DOCK1: variants seen among roughly 807,000 people sequenced by gnomAD.
The protein encoded by DOCK1 is dedicator of cytokinesis protein 1.
DOCK1 carries 138 observed loss-of-function variants against 262.7 expected under a neutral mutation model. The ratio of observed to expected loss-of-function variants is 0.53; its 90% confidence interval spans 0.46 to 0.61. DOCK1 has a LOEUF of 0.61. Ranked by LOEUF, DOCK1 falls within the 20% of genes least tolerant of loss-of-function variation. The probability of loss-of-function intolerance (pLI) is 0.00; values close to 1 mark genes in which losing one functional copy is unlikely to be tolerated. For synonymous variants in DOCK1, 866 were observed against 867.4 expected, an observed-to-expected ratio of 1.00 and a Z score of 0.03; for missense variants, 1,908 against 2,370.7, an observed-to-expected ratio of 0.80 and a Z score of 4.05.
chr10:127,368,109 T>C (rs1416525553), intron 33 of DOCK1, among the ~76,000 whole-genome samples: 2 of 152,188 alleles, frequency 1.3e-5, no homozygotes, highest in African/African-American at 2.4e-5. Flanking sequence ...TGCCAGAACA[T>C]GGCCCTTCAC....
rs1345905278 is a variant in DOCK1, at chr10:127,153,793, G to A, written c.2847+26029G>A. ...GGCCCCAGATCGTTCTTGCATTTGT[G>A]GGTAAACATCATTTGTCACTCATAA... On this transcript the variant is annotated intron_variant, in intron 27 of 51. Transcript: ENST00000623213. The A allele has an allele frequency of 8.3e-6, 11 of 1,323,584 alleles. No individual in the cohort carries two copies. The Admixed American group carries it at 1.5e-4, about 18-fold the overall frequency. 82.0% of individuals were successfully genotyped at this position (1,323,584 alleles called of 1,614,324 possible). A position where few individuals can be genotyped will look rare whatever the true frequency, so the allele number is the denominator to read the frequency against.
At chr10:127,448,597 C>T (rs2134851547) in intron 51 of DOCK1, among the ~76,000 whole-genome samples, 1 of 152,298 alleles carries the variant, frequency 6.6e-6, no homozygotes, top group East Asian at 1.9e-4. Flanking sequence ...CTCAGGCCTC[C>T]CCAGGCCATG....
At chr10:127,038,641 C>T (rs2135592210) in intron 19 of DOCK1, among the ~76,000 whole-genome samples, 1 of 152,260 alleles carries the variant, frequency 6.6e-6, no homozygotes, top group South Asian at 2.1e-4. Flanking sequence ...CGTCTTCTTC[C>T]CACGGGACGC....
At position 127,223,266 on chromosome 10, in the gene DOCK1, A is replaced by C. The variant is rs560790336; in HGVS notation, c.2848-24742A>C. On this transcript the variant is annotated intron_variant, in intron 27 of 51. Coordinates refer to ENST00000623213, the MANE Select transcript of DOCK1 (RefSeq NM_001290223.2). ...AAGAAAGTAGCTTAGAAATGTATACAAAAGCAAATCAACTCAAAGTGTGTG... is the reference window on the plus strand; with the variant it reads ...AAGAAAGTAGCTTAGAAATGTATACCAAAGCAAATCAACTCAAAGTGTGTG... 9.2e-5 allele frequency among the ~76,000 whole-genome samples: 14 copies of C among 152,356 alleles called. No individual in the cohort carries two copies. In the South Asian group the frequency reaches 2.9e-3, roughly 32 times the overall value.
At chr10:127,083,167 A>G (rs1362309781) in intron 23 of DOCK1, among the ~76,000 whole-genome samples, 1 of 152,224 alleles carries the variant, frequency 6.6e-6, no homozygotes, top group African/African-American at 2.4e-5. Context: ...TAGCAGGGCA[A>G]TGCTCTTGGC....
chr10:127,273,966 T>G (rs2135209870), intron 29 of DOCK1, among the ~76,000 whole-genome samples: 1 of 152,316 alleles, frequency 6.6e-6, no homozygotes, highest in South Asian at 2.1e-4. Context: ...ATGTATTTAT[T>G]TATGATATTC....
rs71032531 is a variant in DOCK1, at chr10:126,925,724, C to CTGTGTGTG, written c.46+20200_46+20207dup. On this transcript the variant is annotated intron_variant, in intron 1 of 51. Coordinates refer to ENST00000623213, the MANE Select transcript of DOCK1 (RefSeq NM_001290223.2). ...AACACATACACACACATTGCAGAGTCTGTGTGTGTGTGTGTGTGTGTGTGT... is the reference window on the plus strand; with the variant it reads ...AACACATACACACACATTGCAGAGTCTGTGTGTGTGTGTGTGTGTGTGTGTGTGTGTGT... 3.0e-3 allele frequency among the ~76,000 whole-genome samples: 424 copies of CTGTGTGTG among 141,300 alleles called. 2 individuals are homozygous for CTGTGTGTG. The highest frequency in any genetic ancestry group is 3.5e-3 in the Non-Finnish European group (225 of 64,658). The allele number at this position is 141,300 out of a possible 152,430, so 92.7% of individuals were successfully genotyped here. A position where few individuals can be genotyped will look rare whatever the true frequency, so the allele number is the denominator to read the frequency against.
chr10:126,929,377 T>C (rs1206730205), intron 1 of DOCK1, among the ~76,000 whole-genome samples: 1 of 152,166 alleles, frequency 6.6e-6, no homozygotes, highest in Non-Finnish European at 1.5e-5. Context: ...TTATCATTTA[T>C]TGGACTTTGC....
At chr10:127,257,071 G>T (rs1261316431) in intron 28 of DOCK1, among the ~76,000 whole-genome samples, 1 of 152,112 alleles carries the variant, frequency 6.6e-6, no homozygotes, top group East Asian at 1.9e-4. Flanking sequence ...TAACCTTTGG[G>T]GATTTACTCT....
intron 19 of DOCK1, among the ~76,000 whole-genome samples, chr10:127,039,598 T>C (rs997358961): frequency 1.1e-4 from 16 of 152,292 alleles, no homozygotes; most frequent in African/African-American, 3.8e-4. Context: ...TTGTGCTTTT[T>C]CTCTGCTGGC....
intron 23 of DOCK1, among the ~76,000 whole-genome samples, chr10:127,091,216 C>T (rs893200491): frequency 2.6e-5 from 4 of 152,124 alleles, no homozygotes; most frequent in Admixed American, 6.5e-5. Flanking sequence ...ATCTCCTGAC[C>T]TCGCGATCCG....
intron 29 of DOCK1, among the ~76,000 whole-genome samples, chr10:127,321,936 CTACAAAAAA>C (rs2062550268): frequency 6.6e-6 from 1 of 151,886 alleles, no homozygotes; most frequent in Non-Finnish European, 1.5e-5. Flanking sequence ...AACCCTGTCC[CTACAAAAAA>C]TACAAAAATC....
chr10:127,009,933 C>T (rs992616695), intron 11 of DOCK1, among the ~76,000 whole-genome samples: 2 of 152,146 alleles, frequency 1.3e-5, no homozygotes, highest in Non-Finnish European at 2.9e-5. Context: ...GCTTTCTTTG[C>T]AGGCGGGCGA....
chr10:127,273,734 T>G (rs2060646434), intron 29 of DOCK1, among the ~76,000 whole-genome samples: 1 of 151,922 alleles, frequency 6.6e-6, no homozygotes, highest in African/African-American at 2.4e-5. Flanking sequence ...GTAAAAAAAG[T>G]TAGCCGGGTG....
intron 31 of DOCK1, among the ~76,000 whole-genome samples, chr10:127,348,245 A>G (rs529875554): frequency 6.6e-6 from 1 of 152,156 alleles, no homozygotes; most frequent in African/African-American, 2.4e-5. Context: ...CCAAGGAAGG[A>G]CAGAGATGTC....
At chr10:127,277,518 G>A (rs1465224596) in intron 29 of DOCK1, among the ~76,000 whole-genome samples, 1 of 152,150 alleles carries the variant, frequency 6.6e-6, no homozygotes, top group Non-Finnish European at 1.5e-5. Flanking sequence ...AGCACTTTGG[G>A]AGGCCGAGGC....
intron 29 of DOCK1, among the ~76,000 whole-genome samples, chr10:127,275,382 G>A (rs1179424624): frequency 6.6e-6 from 1 of 152,194 alleles, no homozygotes; most frequent in Non-Finnish European, 1.5e-5. Context: ...AGCTGCCTCA[G>A]TGGAGTGGAG....
intron 27 of DOCK1, among the ~76,000 whole-genome samples, chr10:127,181,094 A>T (rs1023696385): frequency 6.6e-6 from 1 of 152,192 alleles, no homozygotes; most frequent in Non-Finnish European, 1.5e-5. Context: ...GGCTATAAGT[A>T]ATTTGTCAAA....
At chr10:127,444,427 CT>C (rs2070397667) in intron 50 of DOCK1, 148 bp downstream of exon 50, 32 of 1,106,156 alleles carry the variant, frequency 2.9e-5, no homozygotes, top group Non-Finnish European at 3.7e-5. Context: ...GGAGTGTCCC[CT>C]GGGACAGGCT....
Sources: gnomAD v4.1 joint callset for allele counts (sites outside exome capture counted in the v4.1 genomes callset) on GRCh38, gnomAD v4.1.1 for gene constraint, MANE v1.5 for transcripts, NCBI Gene and HGNC (gene_info 2026-07-23, HGNC 2026-07-21) for gene names.